The following OR56A3 variants were observed in gnomAD, a reference collection of about 807,000 sequenced individuals.
OR56A3 encodes olfactory receptor family 56 subfamily A member 3.
A neutral mutation model predicts 17.5 loss-of-function variants in OR56A3; 23 were observed. The ratio of observed to expected loss-of-function variants is 1.32; its 90% CI spans 0.95 to 1.87. OR56A3 has a LOEUF of 1.87. OR56A3 is among the 40% of genes most tolerant of loss of function. The pLI is 0.00. For missense variants in OR56A3, 366 were observed against 380.1 expected (o/e 0.96, Z 0.31); for synonymous variants, 175 against 150.6 (o/e 1.16, Z -1.19).
chr11:5,965,701 A>G, the OR56A3 span, among the ~76,000 whole-genome samples: 1 of 152,222 alleles, frequency 6.6e-6, no homozygotes, highest in Non-Finnish European at 1.5e-5. Context: ...CACCAGACTC[A>G]GAGGAGTTTA....
the OR56A3 span, among the ~76,000 whole-genome samples, chr11:5,974,109 C>CT: frequency 0.57 from 80,940 of 141,692 alleles, 23,532 homozygotes; most frequent in East Asian, 0.69. Context: ...TTATTAAACT[C>CT]TTTTTTTTTT....
At chr11:6,014,556 C>A in the OR56A3 span, among the ~76,000 whole-genome samples, 1 of 152,162 alleles carries the variant, frequency 6.6e-6, no homozygotes, top group Non-Finnish European at 1.5e-5. Flanking sequence ...GCTTCCTGTA[C>A]AGCCTGTGTA....
At chr11:6,021,023 T>G in the OR56A3 span, 1 of 152,042 alleles carries the variant, frequency 6.6e-6, no homozygotes. Context: ...ATAGCAGTCC[T>G]TCTCAAGTCT....
chr11:5,951,875 T>C (rs1450981598), downstream of OR56A3, among the ~76,000 whole-genome samples: 1 of 152,112 alleles, frequency 6.6e-6, no homozygotes, highest in Admixed American at 6.6e-5. Context: ...AATCAAAAAG[T>C]AAGGTAATTT....
At chr11:5,984,553 T>C in the OR56A3 span, among the ~76,000 whole-genome samples, 1 of 152,188 alleles carries the variant, frequency 6.6e-6, no homozygotes, top group Non-Finnish European at 1.5e-5. Context: ...TTACAATAGA[T>C]GTAATACATC....
At chr11:5,994,516 A>C in the OR56A3 span, 1 of 891,352 alleles carries the variant, frequency 1.1e-6, no homozygotes, top group South Asian at 1.3e-5. Context: ...CTTCCTTTTC[A>C]TGGTTCTTCA....
chr11:6,018,170 GCATTAGGCAGA>G, the OR56A3 span, among the ~76,000 whole-genome samples: 1 of 151,992 alleles, frequency 6.6e-6, no homozygotes, highest in African/African-American at 2.4e-5. Flanking sequence ...CCAACTCTCA[GCATTAGGCAGA>G]TTATCTAGAC....
At position 5,944,053 on chromosome 11, in the gene OR56A3, T is replaced by C. The variant is rs142563130; in HGVS notation, c.-313-753T>C. Among the ~76,000 whole-genome samples the C allele has an allele frequency of 3.1e-3, 473 of 152,316 alleles. 2 individuals are homozygous for C. The highest frequency in any genetic ancestry group is 0.011 in the African/African-American group (453 of 41,572). On this transcript the variant is annotated intron_variant, in intron 1 of 2. Transcript: ENST00000641160. ...AAGGAAAAGAAGTGAATGAACATAG[T>C]GCCCAGGGCATGAAGAAGGGTCGTT...
At chr11:5,958,213 G>C in the OR56A3 span, among the ~76,000 whole-genome samples, 2 of 152,070 alleles carry the variant, frequency 1.3e-5, no homozygotes, top group Non-Finnish European at 1.5e-5. Flanking sequence ...ATTCCAACTA[G>C]ACTATAAGCC....
At chr11:6,003,102 A>C in the OR56A3 span, 1 of 1,608,424 alleles carries the variant, frequency 6.2e-7, no homozygotes, top group Non-Finnish European at 8.5e-7. Flanking sequence ...GTTTCCACTG[A>C]GGCCCTGTAT....
At chr11:5,977,650 C>T in the OR56A3 span, among the ~76,000 whole-genome samples, 1 of 152,126 alleles carries the variant, frequency 6.6e-6, no homozygotes. Context: ...ATATTTTCTC[C>T]TATTATGTAG....
At chr11:6,013,548 C>T in the OR56A3 span, among the ~76,000 whole-genome samples, 3 of 152,164 alleles carry the variant, frequency 2.0e-5, no homozygotes, top group African/African-American at 7.2e-5. Flanking sequence ...GTGCCCTCAG[C>T]AGGGTGGGCA....
the OR56A3 span, among the ~76,000 whole-genome samples, chr11:5,973,001 G>A: frequency 1.4e-4 from 21 of 152,126 alleles, no homozygotes; most frequent in Non-Finnish European, 2.8e-4. Context: ...AACATCATAA[G>A]ATGTTATATT....
the OR56A3 span, among the ~76,000 whole-genome samples, chr11:5,962,595 G>C: frequency 6.7e-6 from 1 of 148,280 alleles, no homozygotes. Context: ...GCGGACTGCA[G>C]TGGCGCAATC....
the OR56A3 span, among the ~76,000 whole-genome samples, chr11:5,966,226 A>C: frequency 6.7e-6 from 1 of 150,008 alleles, no homozygotes; most frequent in Non-Finnish European, 1.5e-5. Context: ...AAAAAAAAAA[A>C]AACCGGGCAT....
the OR56A3 span, chr11:6,002,910 T>A: frequency 6.2e-7 from 1 of 1,614,004 alleles, no homozygotes; most frequent in Non-Finnish European, 8.5e-7. Flanking sequence ...AGACAACCAG[T>A]GCTGCCAGCT....
chr11:6,014,988 G>T, the OR56A3 span, among the ~76,000 whole-genome samples: 1 of 7,116 alleles, frequency 1.4e-4, no homozygotes, highest in Non-Finnish European at 2.5e-4. Flanking sequence ...ATATTCATGG[G>T]CAAAAAAAAA....
the OR56A3 span, among the ~76,000 whole-genome samples, chr11:5,960,477 T>G: frequency 6.6e-6 from 1 of 152,208 alleles, no homozygotes; most frequent in African/African-American, 2.4e-5. Context: ...GCCGGGCTGG[T>G]CTCCAGCTCC....
At chr11:5,970,002 A>T in the OR56A3 span, among the ~76,000 whole-genome samples, 1 of 152,272 alleles carries the variant, frequency 6.6e-6, no homozygotes, top group South Asian at 2.1e-4. Flanking sequence ...TCAAATGACT[A>T]AGAAAGTTTC....
Sources: gnomAD v4.1 joint callset for allele counts (sites outside exome capture counted in the v4.1 genomes callset) on GRCh38, gnomAD v4.1.1 for gene constraint, MANE v1.5 for transcripts, NCBI Gene and HGNC (gene_info 2026-07-23, HGNC 2026-07-21) for gene names.